The following AFDN variants were observed in gnomAD, a reference collection of about 807,000 sequenced individuals.
AFDN encodes afadin, adherens junction formation factor.
A neutral mutation model predicts 216.6 loss-of-function variants in AFDN; 68 were observed. The ratio of observed to expected loss-of-function variants is 0.31; its 90% CI spans 0.26 to 0.38. AFDN has a LOEUF of 0.38. Among genes scored for constraint, AFDN ranks in the 10% least tolerant of loss-of-function variants. The pLI is 1.00. For missense variants in AFDN, 2,136 were observed against 2,342.0 expected (o/e 0.91, Z 1.82); for synonymous variants, 868 against 853.7 (o/e 1.02, Z -0.29).
chr6:167,858,112 T>G (rs1007900337), intron 1 of AFDN, among the ~76,000 whole-genome samples: 17 of 152,194 alleles, frequency 1.1e-4, no homozygotes, highest in African/African-American at 4.1e-4. Context: ...GGGGAAAACT[T>G]TCACTTTTTG....
chr6:167,928,678 G>C (rs1347547445), intron 23 of AFDN, among the ~76,000 whole-genome samples: 1 of 152,194 alleles, frequency 6.6e-6, no homozygotes, highest in East Asian at 1.9e-4. Flanking sequence ...GCTTGAATGG[G>C]CTCCACCCGG....
At position 167,827,219 on chromosome 6, in the gene AFDN, G is replaced by A. The variant is rs1366246243; in HGVS notation, c.87G>A (p.Glu29=). ...ACGCCAACCGGCTGGACCTGTTCGA[G>A]ATCAGCCAGCCGACCGAGGTGAGCA... ...HWNANRLDLF[E]ISQPTEDLEF... The change falls in exon 1 of 34, where the codon GAG becomes GAA. Residue 29 remains glutamate, a synonymous_variant. Coordinates refer to ENST00000683244, the MANE Select transcript of AFDN (RefSeq NM_001386888.1). The A allele has an allele frequency of 3.2e-6, 4 of 1,236,042 alleles. No homozygotes were observed. Among genetic ancestry groups the A allele is most frequent in the South Asian group, 1.5e-5 (1 of 68,358 alleles). The allele number at this position is 1,236,042 out of a possible 1,614,324, so 76.6% of individuals were successfully genotyped here. A position where few individuals can be genotyped will look rare whatever the true frequency, so the allele number is the denominator to read the frequency against.
At chr6:167,887,534 C>T (rs1389857782) in intron 6 of AFDN, among the ~76,000 whole-genome samples, 1 of 151,712 alleles carries the variant, frequency 6.6e-6, no homozygotes, top group African/African-American at 2.4e-5. Context: ...CGGCTCACTG[C>T]AACTTCCGCC....
intron 23 of AFDN, among the ~76,000 whole-genome samples, chr6:167,930,923 G>A (rs1028755518): frequency 3.9e-5 from 6 of 152,268 alleles, no homozygotes; most frequent in African/African-American, 1.2e-4. Flanking sequence ...GATTAGAGAC[G>A]CTCAGAAGTA....
chr6:167,964,409 C>T (rs1797327520), intron 31 of AFDN: 1 of 1,064,840 alleles, frequency 9.4e-7, no homozygotes, highest in Admixed American at 5.3e-5. Flanking sequence ...TTAAAAGCCA[C>T]AAGAAGTCAT....
At chr6:167,941,643 AGAG>A (rs1794688420) in intron 23 of AFDN, among the ~76,000 whole-genome samples, 2 of 41,210 alleles carry the variant, frequency 4.9e-5, no homozygotes, top group Non-Finnish European at 4.2e-5. Flanking sequence ...GGACAGACAC[AGAG>A]GGATGTAGGG....
chr6:167,862,467 C>CTGGG lies in AFDN; in HGVS notation c.106-2082_106-2079dup, dbSNP rs543568765. Among the ~76,000 whole-genome samples, 100 of 152,196 alleles carry CTGGG rather than the reference C, an allele frequency of 6.6e-4. 2 individuals are homozygous for CTGGG. In the South Asian group the frequency reaches 7.1e-3, roughly 11 times the overall value. On this transcript the variant is annotated intron_variant, in intron 1 of 33. Coordinates refer to ENST00000683244, the MANE Select transcript of AFDN (RefSeq NM_001386888.1). ...CTTGGCTGACTGCAACCTCCACCTC[C>CTGGG]TGGGTTCAAGCAGTTCTCCTGCCTC... is the stretch of plus-strand genomic sequence containing the variant.
Position 167,969,785 on chromosome 6 carries a change from A to C in AFDN, c.5346A>C (p.Gln1782His). The change falls in exon 34 of 34, where the codon CAA (glutamine) becomes CAC (histidine). Residue 1782 changes from glutamine to histidine, a missense_variant. By Grantham distance (24) the Gln-to-His change is conservative (BLOSUM62 0). Around this residue, in one of 8 missense-constraint regions of AFDN, gnomAD observed 981 missense variants for 966.0 expected, o/e 1.02. Transcript: ENST00000683244. ...RDAKEKRSKSQDADSPGSSGA... is the reference protein window; with the variant it reads ...RDAKEKRSKSHDADSPGSSGA... Reference sequence around the variant, plus strand: ...TTGATATTGCCCTCTTCTGCAGCCAAGATGCAGATTCACCTGGAAGTTCTG... The same window carrying C: ...TTGATATTGCCCTCTTCTGCAGCCACGATGCAGATTCACCTGGAAGTTCTG... The C allele has an allele frequency of 1.2e-5, 19 of 1,606,616 alleles. No homozygotes were observed. Among genetic ancestry groups the C allele is most frequent in the Non-Finnish European group, 1.6e-5 (19 of 1,178,208 alleles).
chr6:167,834,832 A>T (rs1207475467), intron 1 of AFDN, among the ~76,000 whole-genome samples: 1 of 151,976 alleles, frequency 6.6e-6, no homozygotes, highest in Admixed American at 6.6e-5. Context: ...TTTAAAAAAA[A>T]ATTAACAAGC....
At chr6:167,889,357 C>T (rs1437476840) in intron 7 of AFDN, 31 bp downstream of exon 7, 3 of 1,444,690 alleles carry the variant, frequency 2.1e-6, no homozygotes, top group Non-Finnish European at 2.9e-6. Context: ...TTACTTACAC[C>T]AGATTCCTAT....
intron 23 of AFDN, among the ~76,000 whole-genome samples, chr6:167,939,985 T>C (rs1562710411): frequency 6.6e-6 from 1 of 152,270 alleles, no homozygotes; most frequent in South Asian, 2.1e-4. Flanking sequence ...TTTAAATTTA[T>C]AAAAAGCTCA....
At chr6:167,853,066 A>T (rs534042350) in intron 1 of AFDN, among the ~76,000 whole-genome samples, 42 of 152,134 alleles carry the variant, frequency 2.8e-4, no homozygotes, top group Admixed American at 4.6e-4. Flanking sequence ...AGTGCTAGAG[A>T]TGTTCATTTT....
intron 7 of AFDN, among the ~76,000 whole-genome samples, chr6:167,890,476 A>G (rs1056408813): frequency 4.6e-5 from 7 of 152,156 alleles, no homozygotes; most frequent in Non-Finnish European, 8.8e-5. Flanking sequence ...TATCACCCTA[A>G]AAGTACATTT....
chr6:167,857,557 T>A (rs796558246), intron 1 of AFDN, among the ~76,000 whole-genome samples: 13 of 152,188 alleles, frequency 8.5e-5, no homozygotes, highest in African/African-American at 3.1e-4. Context: ...TAAGTTGAAG[T>A]CTATGAGTAT....
intron 1 of AFDN, among the ~76,000 whole-genome samples, chr6:167,860,714 G>A (rs1783461913): frequency 1.3e-5 from 2 of 152,216 alleles, no homozygotes; most frequent in Non-Finnish European, 2.9e-5. Flanking sequence ...CTGCTGCACT[G>A]TAGGACAGAC....
chr6:167,850,023 A>G (rs1439150401), intron 1 of AFDN, among the ~76,000 whole-genome samples: 1 of 152,142 alleles, frequency 6.6e-6, no homozygotes, highest in Non-Finnish European at 1.5e-5. Flanking sequence ...TGCTGTAGTC[A>G]TTTGGTAATG....
At chr6:167,901,863 T>A (rs1583336421) in intron 11 of AFDN, among the ~76,000 whole-genome samples, 1 of 151,306 alleles carries the variant, frequency 6.6e-6, no homozygotes, top group Non-Finnish European at 1.5e-5. Flanking sequence ...GAGGCTGAGG[T>A]GGGCGGATCA....
At chr6:167,874,305 A>G (rs1168938478) in intron 4 of AFDN, among the ~76,000 whole-genome samples, 3 of 152,312 alleles carry the variant, frequency 2.0e-5, no homozygotes, top group African/African-American at 7.2e-5. Context: ...ATGGGGTGAT[A>G]AATTATTTAA....
Position 167,946,906 on chromosome 6 carries a change from G to A in AFDN, c.3553+5G>A. ...GTTCCAGCCCCAACGTAGCAAGTAA[G>A]AGTGACACTTTTTTGCTTCCTAAGT... On this transcript the variant is annotated splice_donor_5th_base_variant and intron_variant, in intron 27 of 33. Transcript: ENST00000683244. 6.2e-7 allele frequency: 1 copy of A among 1,605,018 alleles called. No individual in the cohort carries two copies. The highest frequency in any genetic ancestry group is 8.5e-7 in the Non-Finnish European group (1 of 1,177,824).
Sources: allele counts gnomAD v4.1 joint callset (sites outside exome capture counted in the v4.1 genomes callset), GRCh38; gene constraint gnomAD v4.1.1; regional missense constraint gnomAD v4.1.1; transcripts MANE v1.5; gene names NCBI Gene and HGNC (gene_info 2026-07-23, HGNC 2026-07-21).